The following IGSF3 variants were observed in gnomAD, a reference collection of about 807,000 sequenced individuals.
The protein encoded by IGSF3 is immunoglobulin superfamily member 3, also known as glu-Trp-Ile EWI motif-containing protein 3.
Under a neutral mutation model 114.4 loss-of-function variants are expected in IGSF3, and 23 were observed. That is an observed-to-expected ratio of 0.20 (90% CI 0.14 to 0.28). The LOEUF (loss-of-function observed/expected upper bound fraction) is 0.28, where lower values mean the gene tolerates loss of function less well. Among genes scored for constraint, IGSF3 ranks in the 10% least tolerant of loss-of-function variants. The pLI, the probability that IGSF3 is intolerant of heterozygous loss-of-function variation, is 1.00. For synonymous variants in IGSF3, 571 were observed against 645.2 expected (o/e 0.88, Z 1.74); for missense variants, 1,172 against 1,591.5 (o/e 0.74, Z 4.48).
At position 116,603,754 on chromosome 1, in the gene IGSF3, G is replaced by A. The variant is rs61730488; in HGVS notation, c.1494C>T (p.Ile498=). Reference sequence around the variant, plus strand: ...CCTCGTCCTCCTTCCTGCTGTTGAAGATGCCCAGGCTGAACGAGTTGGGCT... The same window carrying A: ...CCTCGTCCTCCTTCCTGCTGTTGAAAATGCCCAGGCTGAACGAGTTGGGCT... ...QVQPNSFSLG[I]FNSRKEDEGQ... is the part of the protein sequence containing the mutation. The change falls in exon 6 of 11, where the codon ATC becomes ATT. Residue 498 remains isoleucine, a synonymous_variant. Coordinates refer to ENST00000369486, the MANE Select transcript of IGSF3 (RefSeq NM_001007237.3). This position sits in a 1 kb window ranked among gnomAD's most constrained non-coding sequence, Gnocchi z 7.1. 1.2e-3 allele frequency: 1,872 copies of A among 1,613,994 alleles called. 1 individual carries two copies. The highest frequency in any genetic ancestry group is 1.5e-3 in the Admixed American group (91 of 60,020).
intron 2 of IGSF3, among the ~76,000 whole-genome samples, chr1:116,641,163 C>T (rs1179876047): frequency 6.6e-6 from 1 of 152,104 alleles, no homozygotes; most frequent in Admixed American, 6.6e-5. Flanking sequence ...TTATCCTGTT[C>T]TCTCCACTTC....
In IGSF3 at chr1:116,644,752, T is replaced by C. The variant is rs1339050458; in HGVS notation, c.43+21532A>G. Among the ~76,000 whole-genome samples the C allele has an allele frequency of 6.6e-6, 1 of 152,192 alleles. No individual in the cohort carries two copies. The highest frequency in any genetic ancestry group is 1.5e-5 in the Non-Finnish European group (1 of 68,040). On this transcript the variant is annotated intron_variant, in intron 2 of 10. Coordinates refer to ENST00000369486, the MANE Select transcript of IGSF3 (RefSeq NM_001007237.3). The surrounding 1 kb of genome is among the most constrained non-coding windows in gnomAD (Gnocchi z 5.6). Reference sequence around the variant, plus strand: ...CTCAGGAAACCTCCCCACCAGCAACTGGCTCCAAATGGTCAGACTTCCCAA... The same window carrying C: ...CTCAGGAAACCTCCCCACCAGCAACCGGCTCCAAATGGTCAGACTTCCCAA...
At chr1:116,620,216 G>A (rs1557875030) in intron 2 of IGSF3, among the ~76,000 whole-genome samples, 2 of 152,168 alleles carry the variant, frequency 1.3e-5, no homozygotes, top group South Asian at 2.1e-4. Context: ...TTATGCTAAC[G>A]AGGTGACTGA....
intron 2 of IGSF3, among the ~76,000 whole-genome samples, chr1:116,640,549 C>T (rs1007610012): frequency 6.6e-6 from 1 of 152,182 alleles, no homozygotes; most frequent in African/African-American, 2.4e-5. Flanking sequence ...ACTGTATGCA[C>T]CCTTTTGCAT....
intron 2 of IGSF3, among the ~76,000 whole-genome samples, chr1:116,617,935 T>C (rs1326459442): frequency 6.6e-6 from 1 of 152,210 alleles, no homozygotes; most frequent in Non-Finnish European, 1.5e-5. Flanking sequence ...TAGCTTCCCT[T>C]TTCCCCCACA....
In IGSF3 at chr1:116,584,689, G is replaced by C; in HGVS notation, c.2804C>G (p.Ala935Gly). 1 of 1,614,146 alleles carries C rather than the reference G, an allele frequency of 6.2e-7. No homozygotes were observed. Among genetic ancestry groups the C allele is most frequent in the Non-Finnish European group, 8.5e-7 (1 of 1,179,972 alleles). The change falls in exon 9 of 11, where the codon GCA becomes GGA. Residue 935 changes from alanine (A) to glycine (G), a missense_variant. Transcript: ENST00000369486. This position sits in a 1 kb window ranked among gnomAD's most constrained non-coding sequence, Gnocchi z 5.8. ...PSPSGMWYKR[A>G]EDTAGQTALT... ...AGCTGTCTGCCCAGCGGTGTCCTCT[G>C]CCCGCTTATACCACATGCCACTGGG...
Position 116,585,119 on chromosome 1 carries a change from A to T in IGSF3, c.2441-67T>A. On this transcript the variant is annotated intron_variant, in intron 8 of 10. Transcript: ENST00000369486. This position sits in a 1 kb window ranked among gnomAD's most constrained non-coding sequence, Gnocchi z 4.9. ...AAGCAATTCGTACGCACCCTTTCCC[A>T]GGGTAGGTGAATGGATGCCTTCCAA... 2 of 1,284,326 alleles carry T rather than the reference A, an allele frequency of 1.6e-6. No homozygotes were observed. The highest frequency in any genetic ancestry group is 2.1e-6 in the Non-Finnish European group (2 of 942,092). The allele number at this position is 1,284,326 out of a possible 1,614,324, so 79.6% of individuals were successfully genotyped here.
chr1:116,608,455 C>T (rs185437063), intron 4 of IGSF3, 124 bp from the exon 5 acceptor site: 535 of 744,220 alleles, frequency 7.2e-4, no homozygotes, highest in Non-Finnish European at 1.1e-3. Flanking sequence ...GGGAGGACCA[C>T]AGCACTTAGC....
At position 116,664,248 on chromosome 1, in the gene IGSF3, T is replaced by G. The variant is rs1649236151; in HGVS notation, c.43+2036A>C. On this transcript the variant is annotated intron_variant, in intron 2 of 10. Transcript: ENST00000369486. This position sits in a 1 kb window ranked among gnomAD's most constrained non-coding sequence, Gnocchi z 4.6. ...CCACTGTGCCCCTTTAAAGCCACCT[T>G]GATGCTCATTTTCCTCCATGGCACC... Among the ~76,000 whole-genome samples the G allele has an allele frequency of 6.6e-6, 1 of 152,174 alleles. No homozygotes were observed. Among genetic ancestry groups the G allele is most frequent in the Non-Finnish European group, 1.5e-5 (1 of 68,022 alleles).
In IGSF3 at chr1:116,628,575, C is replaced by A. The variant is rs1160241833; in HGVS notation, c.44-12118G>T. Among the ~76,000 whole-genome samples the A allele has an allele frequency of 6.6e-6, 1 of 152,158 alleles. No individual in the cohort carries two copies. The highest frequency in any genetic ancestry group is 1.5e-5 in the Non-Finnish European group (1 of 68,026). On this transcript the variant is annotated intron_variant, in intron 2 of 10. Coordinates refer to ENST00000369486, the MANE Select transcript of IGSF3 (RefSeq NM_001007237.3). This position sits in a 1 kb window ranked among gnomAD's most constrained non-coding sequence, Gnocchi z 4.2. ...TGAAGGGCCCCCAAACCATTCCCCA[C>A]CAAGAGTGTGGGTGGCAGGCACCCT...
Position 116,661,698 on chromosome 1 carries a change from A to G in IGSF3, c.43+4586T>C, listed in dbSNP as rs140736727. Reference sequence around the variant, plus strand: ...TCTGCCACTTTTTAGCTTTGTGACTATGGCAGAGATGGGCAGCTGTCCCCC... The same window carrying G: ...TCTGCCACTTTTTAGCTTTGTGACTGTGGCAGAGATGGGCAGCTGTCCCCC... On this transcript the variant is annotated intron_variant, in intron 2 of 10. Transcript: ENST00000369486. The surrounding 1 kb of genome is among the most constrained non-coding windows in gnomAD (Gnocchi z 4.0). 1.8e-3 allele frequency among the ~76,000 whole-genome samples: 277 copies of G among 152,324 alleles called. 1 individual carries two copies. Among genetic ancestry groups the G allele is most frequent in the Non-Finnish European group, 3.6e-3 (246 of 68,016 alleles).
chr1:116,637,715 G>T (rs1317554582), intron 2 of IGSF3, among the ~76,000 whole-genome samples: 1 of 152,180 alleles, frequency 6.6e-6, no homozygotes, highest in Non-Finnish European at 1.5e-5. Context: ...ATTCACCCTT[G>T]TTCCATCAAC....
rs764947089 is a variant in IGSF3 at position 116,579,767 on chromosome 1, C to A, written c.2959G>T (p.Ala987Ser). ...GTCCTCAGGGAATACCAGGCCACAGCGAAGCGGGAGTCCTGGCTGGAGCGG... is the reference window on the plus strand; with the variant it reads ...GTCCTCAGGGAATACCAGGCCACAGAGAAGCGGGAGTCCTGGCTGGAGCGG... ...VSRSSQDSRF[A>S]VAWYSLRTKA... Residue 987 changes from alanine (A) to serine (S), a missense_variant, in exon 10 of 11, where the codon GCT becomes TCT. This residue lies in a region of IGSF3 where 423 missense variants were observed against 509.8 expected (regional missense o/e 0.83). Transcript: ENST00000369486. The surrounding 1 kb of genome is among the most constrained non-coding windows in gnomAD (Gnocchi z 6.4). 3.7e-6 allele frequency: 6 copies of A among 1,614,048 alleles called. No homozygotes were observed. The highest frequency in any genetic ancestry group is 2.5e-6 in the Non-Finnish European group (3 of 1,180,040).
At position 116,600,212 on chromosome 1, in the gene IGSF3, C is replaced by T. The variant is rs548793560; in HGVS notation, c.1758G>A (p.Pro586=). The part of the protein sequence containing the change: ...VPVSVTWRFQ[P]VGTVEFHDLV... ...AGTCATGGAACTCCACCGTGCCCAC[C>T]GGCTGGAACCGCCATGTCACCGACA... Residue 586 remains proline, a synonymous_variant, in exon 7 of 11, where the codon CCG becomes CCA. Transcript: ENST00000369486. The surrounding 1 kb of genome is among the most constrained non-coding windows in gnomAD (Gnocchi z 5.5). 1.9e-5 allele frequency: 30 copies of T among 1,614,066 alleles called. No individual in the cohort carries two copies. The highest frequency in any genetic ancestry group is 4.0e-5 in the African/African-American group (3 of 75,062).
chr1:116,602,972 T>A (rs927859163), intron 6 of IGSF3, among the ~76,000 whole-genome samples: 1 of 152,206 alleles, frequency 6.6e-6, no homozygotes, highest in African/African-American at 2.4e-5. Context: ...ATGGGCCCCG[T>A]CAGGTAGTAG....
rs1412185692 is a variant in IGSF3, at chr1:116,584,522, T to C, written c.2848+123A>G. ...TTTTGAATATAAATGCATATACATGTAGACACTCATATATTTAACTGCAAA... is the reference window on the plus strand; with the variant it reads ...TTTTGAATATAAATGCATATACATGCAGACACTCATATATTTAACTGCAAA... On this transcript the variant is annotated intron_variant, in intron 9 of 10. Coordinates refer to ENST00000369486, the MANE Select transcript of IGSF3 (RefSeq NM_001007237.3). This position sits in a 1 kb window ranked among gnomAD's most constrained non-coding sequence, Gnocchi z 5.8. The C allele has an allele frequency of 3.1e-6, 3 of 956,532 alleles. No individual in the cohort carries two copies. The highest frequency in any genetic ancestry group is 2.7e-5 in the East Asian group (1 of 37,684). The allele number at this position is 956,532 out of a possible 1,614,324, so 59.3% of individuals were successfully genotyped here.
rs187153327 is a variant in IGSF3, at chr1:116,629,351, A to T, written c.44-12894T>A. Among the ~76,000 whole-genome samples, 60 of 152,310 alleles carry T rather than the reference A, an allele frequency of 3.9e-4. No individual in the cohort carries two copies. In the East Asian group the frequency reaches 0.01, roughly 26 times the overall value. On this transcript the variant is annotated intron_variant, in intron 2 of 10. Transcript: ENST00000369486. The surrounding 1 kb of genome is among the most constrained non-coding windows in gnomAD (Gnocchi z 4.3). The stretch of plus-strand genomic sequence containing the variant: ...TGGGCTAGTATATTTAAAAAACGCT[A>T]AAGGGAGGTGGGGTAATAAGGGATT...
chr1:116,619,534 G>T (rs1023784425), intron 2 of IGSF3, among the ~76,000 whole-genome samples: 7 of 152,184 alleles, frequency 4.6e-5, no homozygotes, highest in Admixed American at 6.5e-5. Context: ...AAGGGCTTCT[G>T]ACCCCTGAAA....
chr1:116,602,900 G>T (rs747956304), intron 6 of IGSF3, among the ~76,000 whole-genome samples: 1 of 152,190 alleles, frequency 6.6e-6, no homozygotes, highest in Non-Finnish European at 1.5e-5. Context: ...ATCTTCCTTG[G>T]TTTTAGCAAA....
Sources: gnomAD v4.1 joint callset for allele counts (sites outside exome capture counted in the v4.1 genomes callset) on GRCh38, gnomAD v4.1.1 for gene constraint, gnomAD v4.1.1 regional missense constraint, Gnocchi (gnomAD v3.1) non-coding constraint, MANE v1.5 for transcripts, NCBI Gene and HGNC (gene_info 2026-07-23, HGNC 2026-07-21) for gene names.